The following RAB44 variants were observed in gnomAD, a reference collection of about 807,000 sequenced individuals.
RAB44 encodes RAB44, member RAS oncogene family.
RAB44 carries 67 observed loss-of-function variants against 93.3 expected under a neutral mutation model. The observed-to-expected ratio is 0.72, with a 90% CI of 0.59 to 0.88. The LOEUF (loss-of-function observed/expected upper bound fraction) is 0.88. Among genes scored for constraint, RAB44 ranks in the 40% least tolerant of loss-of-function variants. RAB44 has a pLI of 0.00. For synonymous variants in RAB44, 427 were observed against 520.3 expected (o/e 0.82, Z 2.44); for missense variants, 1,064 against 1,261.7 (o/e 0.84, Z 2.37).
intron 2 of RAB44, among the ~76,000 whole-genome samples, chr6:36,706,428 C>T (rs751926357): frequency 1.6e-4 from 24 of 152,196 alleles, no homozygotes; most frequent in Non-Finnish European, 1.3e-4. Context: ...ATTTAAATGG[C>T]TTCCTGTCTT....
At chr6:36,712,449 C>T (rs1215439861) in intron 2 of RAB44, among the ~76,000 whole-genome samples, 2 of 152,190 alleles carry the variant, frequency 1.3e-5, no homozygotes, top group African/African-American at 2.4e-5. Context: ...ACTGCAACCT[C>T]CTTCTCCCGG....
intron 10 of RAB44, among the ~76,000 whole-genome samples, chr6:36,726,545 G>A (rs765488195): frequency 6.6e-6 from 1 of 151,996 alleles, no homozygotes; most frequent in Admixed American, 6.6e-5. Context: ...ACCTGGCAGT[G>A]ATAAAAACTT....
chr6:36,715,697 C>T (rs1356688810), intron 4 of RAB44, 44 bp downstream of exon 4: 1 of 1,522,056 alleles, frequency 6.6e-7, no homozygotes, highest in South Asian at 1.2e-5. Context: ...CTCTGCCAGC[C>T]ATTGACGGCA....
In RAB44 at chr6:36,731,574, C is replaced by T. The variant is rs905056882; in HGVS notation, c.2976-429C>T. On this transcript the variant is annotated intron_variant, in intron 13 of 13. Coordinates refer to ENST00000612677, the MANE Select transcript of RAB44 (RefSeq NM_001257357.2). This position sits in a 1 kb window ranked among gnomAD's most constrained non-coding sequence, Gnocchi z 4.0. ...CTCGGCACTGAGCCGCGCCATGGCC[C>T]TCTGCTTGGGATGCACCTCCCCCAC... Among the ~76,000 whole-genome samples, 1 of 152,038 alleles carries T rather than the reference C, an allele frequency of 6.6e-6. No homozygotes were observed. Among genetic ancestry groups the T allele is most frequent in the Non-Finnish European group, 1.5e-5 (1 of 68,010 alleles).
chr6:36,702,826 A>G (rs1277249308), intron 1 of RAB44, among the ~76,000 whole-genome samples: 1 of 152,218 alleles, frequency 6.6e-6, no homozygotes, highest in Non-Finnish European at 1.5e-5. Flanking sequence ...ACCTGGATGA[A>G]TCCCCAACCA....
chr6:36,698,836 G>A (rs35442158), intron 1 of RAB44, among the ~76,000 whole-genome samples: 17,521 of 152,130 alleles, frequency 0.12, 1,091 homozygotes, highest in South Asian at 0.19. Context: ...TGAGGGATTG[G>A]AGGGTGAGGA....
At chr6:36,726,153 C>T (rs1380628131) in intron 10 of RAB44, among the ~76,000 whole-genome samples, 1 of 152,196 alleles carries the variant, frequency 6.6e-6, no homozygotes, top group Non-Finnish European at 1.5e-5. Flanking sequence ...TATATTAGGG[C>T]TTCCCAACAT....
At chr6:36,729,638 A>T (rs530164277) in intron 12 of RAB44, among the ~76,000 whole-genome samples, 5 of 151,810 alleles carry the variant, frequency 3.3e-5, no homozygotes, top group Admixed American at 3.3e-4. Context: ...ATGTGCCACC[A>T]CGCCCGGCTA....
intron 2 of RAB44, among the ~76,000 whole-genome samples, chr6:36,712,275 C>G (rs1170393220): frequency 6.6e-6 from 1 of 152,166 alleles, no homozygotes; most frequent in Non-Finnish European, 1.5e-5. Flanking sequence ...TGCATTCCAG[C>G]CTGAATGACA....
In RAB44 at chr6:36,725,951, G is replaced by A. The variant is rs1334178065; in HGVS notation, c.2681+8G>A. 2 of 1,548,500 alleles carry A rather than the reference G, an allele frequency of 1.3e-6. No individual in the cohort carries two copies. Among genetic ancestry groups the A allele is most frequent in the Non-Finnish European group, 1.7e-6 (2 of 1,145,002 alleles). On this transcript the variant is annotated splice_region_variant and intron_variant, in intron 10 of 13. Coordinates refer to ENST00000612677, the MANE Select transcript of RAB44 (RefSeq NM_001257357.2). ...CACAGCTGGCCAAGAGAGGTAACAG[G>A]CACTGTATATCAGTGTGTCAGGAAC...
chr6:36,718,595 A>G lies in RAB44; in HGVS notation c.828+7A>G, dbSNP rs2150335099. On this transcript the variant is annotated splice_region_variant and intron_variant, in intron 7 of 13. Coordinates refer to ENST00000612677, the MANE Select transcript of RAB44 (RefSeq NM_001257357.2). ...AGCTGAGGGCCAGAGGGAGGTGAGTAATAGGGTTTCCCAGAAACCTACTTC... is the reference window on the plus strand; with the variant it reads ...AGCTGAGGGCCAGAGGGAGGTGAGTGATAGGGTTTCCCAGAAACCTACTTC... The G allele has an allele frequency of 2.4e-6, 3 of 1,227,284 alleles. No individual in the cohort carries two copies. Among genetic ancestry groups the G allele is most frequent in the Non-Finnish European group, 2.0e-6 (2 of 981,700 alleles). 76.0% of individuals were successfully genotyped at this position (1,227,284 alleles called of 1,614,324 possible). A position where few individuals can be genotyped will look rare whatever the true frequency, so the allele number is the denominator to read the frequency against.
At position 36,729,003 on chromosome 6, in the gene RAB44, G is replaced by A. The variant is rs145094591; in HGVS notation, c.2898+202G>A. On this transcript the variant is annotated intron_variant, in intron 12 of 13. Coordinates refer to ENST00000612677, the MANE Select transcript of RAB44 (RefSeq NM_001257357.2). ...CCACACAGCCCTGGCCTCTGGAGATGCGCTTTAAGCCCAAACCCAAGGCTG... is the reference window on the plus strand; with the variant it reads ...CCACACAGCCCTGGCCTCTGGAGATACGCTTTAAGCCCAAACCCAAGGCTG... Among the ~76,000 whole-genome samples the A allele has an allele frequency of 5.4e-4, 83 of 152,326 alleles. 1 individual carries two copies. The highest frequency in any genetic ancestry group is 1.9e-3 in the African/African-American group (80 of 41,574).
chr6:36,702,940 G>A (rs1582607100), intron 1 of RAB44, among the ~76,000 whole-genome samples: 3 of 152,214 alleles, frequency 2.0e-5, no homozygotes, highest in South Asian at 2.1e-4. Context: ...CTAAGGGGGC[G>A]GGGAGCAGTA....
At chr6:36,720,041 G>A (rs928035461) in intron 7 of RAB44, among the ~76,000 whole-genome samples, 17 of 152,216 alleles carry the variant, frequency 1.1e-4, no homozygotes, top group South Asian at 6.2e-4. Flanking sequence ...CAGGCTCAGG[G>A]GCCAGCAGCC....
At chr6:36,718,244 C>A in intron 6 of RAB44, 126 bp downstream of exon 6, 1 of 577,176 alleles carries the variant, frequency 1.7e-6, no homozygotes, top group Non-Finnish European at 2.6e-6. Flanking sequence ...TCTCCCTGCC[C>A]TGAGCAGCTG....
In RAB44 at chr6:36,730,763, G is replaced by GCCCCCCCCCCC; in HGVS notation, c.2975+20_2975+21insCCCCCCCCCCC. The GCCCCCCCCCCC allele has an allele frequency of 3.6e-6, 4 of 1,100,576 alleles. No individual in the cohort carries two copies. The highest frequency in any genetic ancestry group is 4.4e-6 in the Non-Finnish European group (4 of 907,576). The allele number at this position is 1,100,576 out of a possible 1,614,324, so 68.2% of individuals were successfully genotyped here. A position where few individuals can be genotyped will look rare whatever the true frequency, so the allele number is the denominator to read the frequency against. On this transcript the variant is annotated intron_variant, in intron 13 of 13. Coordinates refer to ENST00000612677, the MANE Select transcript of RAB44 (RefSeq NM_001257357.2). The stretch of plus-strand genomic sequence containing the variant: ...AAACCTGGCCAGGTAAGTGCTGCCC[G>GCCCCCCCCCCC]CCCCCCGCCGCCCCCACCCCCCCCC...
chr6:36,719,160 A>G (rs1228320361), intron 7 of RAB44, among the ~76,000 whole-genome samples: 1 of 152,098 alleles, frequency 6.6e-6, no homozygotes, highest in African/African-American at 2.4e-5. Flanking sequence ...GCGCCCCATT[A>G]TCTCTTCCTT....
At chr6:36,711,042 C>T (rs1029837684) in intron 2 of RAB44, among the ~76,000 whole-genome samples, 2 of 152,116 alleles carry the variant, frequency 1.3e-5, no homozygotes, top group Non-Finnish European at 2.9e-5. Flanking sequence ...ATATGCCTAG[C>T]AATCAATGTT....
rs1260985648 is a variant in RAB44, at chr6:36,704,234, C to T, written c.-2C>T. On this transcript the variant is annotated 5_prime_UTR_variant, in exon 2 of 14. Coordinates refer to ENST00000612677, the MANE Select transcript of RAB44 (RefSeq NM_001257357.2). ...CTCCTCTGTCCCCAGGGCCAACGCA[C>T]CATGGAGACTGGACAGAGAACATCT... 2 of 1,535,928 alleles carry T rather than the reference C, an allele frequency of 1.3e-6. No individual in the cohort carries two copies. The highest frequency in any genetic ancestry group is 2.0e-5 in the Admixed American group (1 of 50,982).
Sources: allele counts gnomAD v4.1 joint callset (sites outside exome capture counted in the v4.1 genomes callset), GRCh38; gene constraint gnomAD v4.1.1; non-coding constraint Gnocchi (gnomAD v3.1); transcripts MANE v1.5; gene names NCBI Gene and HGNC (gene_info 2026-07-23, HGNC 2026-07-21).